LGR6: variants seen among roughly 807,000 people sequenced by gnomAD.
LGR6 encodes leucine rich repeat containing G protein-coupled receptor 6.
Under a neutral mutation model 69.4 loss-of-function variants are expected in LGR6, and 45 were observed. The ratio of observed to expected loss-of-function variants is 0.65; its 90% CI spans 0.51 to 0.83. The LOEUF is 0.83. LGR6 is among the 40% of genes least tolerant of loss of function. The pLI is 0.00. For synonymous variants in LGR6, 538 were observed against 555.0 expected (o/e 0.97, Z 0.43); for missense variants, 1,108 against 1,246.7 (o/e 0.89, Z 1.68).
chr1:202,277,465 G>C (rs946996764), intron 5 of LGR6, among the ~76,000 whole-genome samples: 1 of 152,160 alleles, frequency 6.6e-6, no homozygotes, highest in African/African-American at 2.4e-5. Context: ...GGCAGGGTGG[G>C]GGGGTATTTA....
At chr1:202,265,647 T>C (rs760961430) in intron 4 of LGR6, among the ~76,000 whole-genome samples, 1 of 152,238 alleles carries the variant, frequency 6.6e-6, no homozygotes, top group Non-Finnish European at 1.5e-5. Context: ...CTTTGCCATC[T>C]CTTTACTCTG....
rs569894414 is a variant in LGR6 at position 202,319,515 on chromosome 1, G to A, written c.*308G>A. On this transcript the variant is annotated 3_prime_UTR_variant, in exon 18 of 18. Coordinates refer to ENST00000367278, the MANE Select transcript of LGR6 (RefSeq NM_001017403.2). ...AAGGGAAATGAGGGAAGTAAAGACAGTGAAGGGGTGGAGGGTTGATCAGGG... is the reference window on the plus strand; with the variant it reads ...AAGGGAAATGAGGGAAGTAAAGACAATGAAGGGGTGGAGGGTTGATCAGGG... 2.0e-4 allele frequency: 63 copies of A among 321,108 alleles called. No homozygotes were observed. The highest frequency in any genetic ancestry group is 5.4e-4 in the South Asian group (8 of 14,930). The allele number at this position is 321,108 out of a possible 1,614,324, so 19.9% of individuals were successfully genotyped here.
At chr1:202,213,316 G>T (rs989474460) in intron 1 of LGR6, among the ~76,000 whole-genome samples, 6 of 152,128 alleles carry the variant, frequency 3.9e-5, no homozygotes, top group African/African-American at 1.4e-4. Context: ...GGTAGTCTTA[G>T]TTACACACAC....
In LGR6 at chr1:202,194,041, G is replaced by A. The variant is rs761492020; in HGVS notation, c.52G>A (p.Ala18Thr). The change falls in exon 1 of 18, where the codon GCT becomes ACT. Residue 18 changes from alanine to threonine, a missense_variant. Physicochemically the swap from Ala to Thr is moderately conservative, Grantham distance 58 (BLOSUM62 0). Transcript: ENST00000367278. The stretch of plus-strand genomic sequence containing the variant: ...GCTATGGCTTTGCGCCGCGCTGTGC[G>A]CTTCCCGGAGGGCCGGCGGCGCCCC... Reference protein sequence around the residue: ...RALWLCAALCASRRAGGAPQP... With the variant: ...RALWLCAALCTSRRAGGAPQP... 6 of 1,385,098 alleles carry A rather than the reference G, an allele frequency of 4.3e-6. No individual in the cohort carries two copies. Among genetic ancestry groups the A allele is most frequent in the Non-Finnish European group, 4.6e-6 (5 of 1,076,948 alleles). 85.8% of individuals were successfully genotyped at this position (1,385,098 alleles called of 1,614,324 possible).
At chr1:202,311,430 C>T (rs1055817228) in intron 16 of LGR6, among the ~76,000 whole-genome samples, 17 of 152,104 alleles carry the variant, frequency 1.1e-4, no homozygotes, top group African/African-American at 3.6e-4. Context: ...GAGGCCAAGG[C>T]GGGTGGATCA....
chr1:202,194,480 T>G, intron 1 of LGR6: 1 of 659,820 alleles, frequency 1.5e-6, no homozygotes, highest in East Asian at 3.0e-5. Flanking sequence ...GCGAGGTGGG[T>G]TCTGGACCCT....
intron 1 of LGR6, chr1:202,203,875 G>T (rs575178889): frequency 6.8e-6 from 11 of 1,611,794 alleles, no homozygotes; most frequent in Non-Finnish European, 9.3e-6. Context: ...ATCTCTGCCC[G>T]GTGAGTTGTT....
chr1:202,205,410 C>CCTT (rs1659148173), intron 1 of LGR6, among the ~76,000 whole-genome samples: 122 of 9,660 alleles, frequency 0.013, 2 homozygotes, highest in Middle Eastern at 0.033. Context: ...ACACACACCT[C>CCTT]CAAACACACA....
chr1:202,273,738 G>A (rs184340323), intron 4 of LGR6, among the ~76,000 whole-genome samples: 5 of 152,246 alleles, frequency 3.3e-5, no homozygotes, highest in African/African-American at 1.2e-4. Context: ...TTACAGGCGT[G>A]AGCTACCGTG....
chr1:202,220,297 A>T (rs1330164334), intron 1 of LGR6, among the ~76,000 whole-genome samples: 1 of 151,718 alleles, frequency 6.6e-6, no homozygotes, highest in African/African-American at 2.4e-5. Flanking sequence ...GGCTCCCTGC[A>T]ACCTCCGCCT....
intron 4 of LGR6, among the ~76,000 whole-genome samples, chr1:202,249,792 G>T (rs1663075477): frequency 6.6e-6 from 1 of 152,064 alleles, no homozygotes; most frequent in African/African-American, 2.4e-5. Context: ...ACCATTGTCT[G>T]CCCGCCATCA....
intron 4 of LGR6, among the ~76,000 whole-genome samples, chr1:202,275,845 A>G (rs1665502034): frequency 6.6e-6 from 1 of 152,194 alleles, no homozygotes; most frequent in Non-Finnish European, 1.5e-5. Context: ...ACACTCAGAG[A>G]GCAAGGGTAA....
rs2148132511 is a variant in LGR6 at position 202,268,703 on chromosome 1, T to C, written c.429-7603T>C. ...AAATGAACTGTCTTTGTCCTCAAGG[T>C]ATCTCACCTCCCAGCCTCTTTCTTC... On this transcript the variant is annotated intron_variant, in intron 4 of 17. Coordinates refer to ENST00000367278, the MANE Select transcript of LGR6 (RefSeq NM_001017403.2). The surrounding 1 kb of genome is among the most constrained non-coding windows in gnomAD (Gnocchi z 4.4). 6.6e-6 allele frequency among the ~76,000 whole-genome samples: 1 copy of C among 152,294 alleles called. No individual in the cohort carries two copies. The highest frequency in any genetic ancestry group is 2.4e-5 in the African/African-American group (1 of 41,562).
At chr1:202,282,193 T>C (rs1666062941) in intron 6 of LGR6, among the ~76,000 whole-genome samples, 1 of 152,228 alleles carries the variant, frequency 6.6e-6, no homozygotes, top group East Asian at 1.9e-4. Context: ...TTCCTGCCAC[T>C]GTGCGTGACT....
At chr1:202,233,640 G>A (rs1298945214) in intron 3 of LGR6, among the ~76,000 whole-genome samples, 3 of 152,174 alleles carry the variant, frequency 2.0e-5, no homozygotes, top group Non-Finnish European at 2.9e-5. Flanking sequence ...TTTGAAAGAT[G>A]AAGGAATCAA....
At chr1:202,238,272 T>C (rs1484257519) in intron 4 of LGR6, among the ~76,000 whole-genome samples, 2 of 151,854 alleles carry the variant, frequency 1.3e-5, no homozygotes, top group Admixed American at 6.6e-5. Context: ...TTTTTGTATT[T>C]TTTTGTAGAG....
chr1:202,303,169 CAT>C, intron 9 of LGR6, 108 bp from the exon 10 acceptor site: 1 of 817,374 alleles, frequency 1.2e-6, no homozygotes. Context: ...GGAAGCATGA[CAT>C]TGCCCCCAAA....
intron 3 of LGR6, among the ~76,000 whole-genome samples, chr1:202,231,790 TAAAATC>T (rs1661100792): frequency 6.6e-6 from 1 of 152,112 alleles, no homozygotes; most frequent in Admixed American, 6.5e-5. Flanking sequence ...AAAGGAAACT[TAAAATC>T]AAAAGCATTT....
chr1:202,194,699 T>TGGGGCCGGGGGGG, intron 1 of LGR6: 1 of 94,694 alleles, frequency 1.1e-5, no homozygotes, highest in East Asian at 7.4e-4. Context: ...GTGGCCTTCG[T>TGGGGCCGGGGGGG]GGGGGCGGGG....
Sources: allele counts gnomAD v4.1 joint callset (sites outside exome capture counted in the v4.1 genomes callset), GRCh38; gene constraint gnomAD v4.1.1; non-coding constraint Gnocchi (gnomAD v3.1); transcripts MANE v1.5; gene names NCBI Gene and HGNC (gene_info 2026-07-23, HGNC 2026-07-21).